CNTNAP3B: variants seen among roughly 807,000 people sequenced by gnomAD.
CNTNAP3B encodes contactin associated protein family member 3B.
Under a neutral mutation model 108.9 loss-of-function variants are expected in CNTNAP3B, and 25 were observed. The observed-to-expected ratio is 0.23, with a 90% CI of 0.17 to 0.32. CNTNAP3B has a LOEUF of 0.32. Among genes scored for constraint, CNTNAP3B ranks in the 10% least tolerant of loss-of-function variants. The pLI is 1.00. For missense variants in CNTNAP3B, 252 were observed against 1,210.4 expected (o/e 0.21, Z 11.75); for synonymous variants, 103 against 473.4 (o/e 0.22, Z 10.16).
chr9:42,108,309 G>A (rs62558878), intron 1 of CNTNAP3B, among the ~76,000 whole-genome samples: 23,346 of 131,386 alleles, frequency 0.18, 3,762 homozygotes, highest in Middle Eastern at 0.29. Context: ...ACCATCTAAA[G>A]GCAGAGATTC....
At chr9:42,085,143 GA>G (rs954074708) in intron 2 of CNTNAP3B, among the ~76,000 whole-genome samples, 55 of 149,814 alleles carry the variant, frequency 3.7e-4, no homozygotes, top group African/African-American at 1.1e-3. Context: ...TGTTATTTAA[GA>G]AAAAAATTAT....
At position 41,975,118 on chromosome 9, in the gene CNTNAP3B, G is replaced by A. The variant is rs530903582; in HGVS notation, c.1478-4873C>T. On this transcript the variant is annotated intron_variant, in intron 9 of 23. Coordinates refer to ENST00000377561, the MANE Select transcript of CNTNAP3B (RefSeq NM_001201380.3). Reference sequence around the variant, plus strand: ...AAGCGCGGCTTCCGGGAAGGCTGGGGCCTCGGGGAGCACCTGCAGGGGCTT... The same window carrying A: ...AAGCGCGGCTTCCGGGAAGGCTGGGACCTCGGGGAGCACCTGCAGGGGCTT... 2.1e-4 allele frequency: 38 copies of A among 181,054 alleles called. 4 individuals are homozygous for A. The East Asian group carries it at 5.6e-3, about 27-fold the overall frequency. 11.2% of individuals were successfully genotyped at this position (181,054 alleles called of 1,614,324 possible).
At chr9:42,063,313 T>C (rs1181124101) in intron 3 of CNTNAP3B, among the ~76,000 whole-genome samples, 3 of 130,870 alleles carry the variant, frequency 2.3e-5, no homozygotes, top group Admixed American at 7.7e-5. Context: ...TGCTGTGTAT[T>C]CTTGGTTGAC....
At position 42,095,965 on chromosome 9, in the gene CNTNAP3B, G is replaced by A. The variant is rs1434268669; in HGVS notation, c.196+8664C>T. On this transcript the variant is annotated intron_variant, in intron 2 of 23. Transcript: ENST00000377561. ...TCCTCCCATCCCAGGCTGGGACAGTGCTCTCCACAACGTTTTGGTGACCCT... is the reference window on the plus strand; with the variant it reads ...TCCTCCCATCCCAGGCTGGGACAGTACTCTCCACAACGTTTTGGTGACCCT... Among the ~76,000 whole-genome samples the A allele has an allele frequency of 1.4e-5, 2 of 138,402 alleles. 1 individual carries two copies. Among genetic ancestry groups the A allele is most frequent in the African/African-American group, 5.8e-5 (2 of 34,710 alleles). 90.8% of individuals were successfully genotyped at this position (138,402 alleles called of 152,430 possible).
At chr9:41,935,093 A>G (rs1316442801) in intron 14 of CNTNAP3B, among the ~76,000 whole-genome samples, 1 of 152,292 alleles carries the variant, frequency 6.6e-6, no homozygotes, top group Non-Finnish European at 1.5e-5. Flanking sequence ...ACATTTATAC[A>G]CATATATTGA....
At chr9:42,120,470 T>C (rs1258037519) in intron 1 of CNTNAP3B, among the ~76,000 whole-genome samples, 1 of 138,094 alleles carries the variant, frequency 7.2e-6, no homozygotes, top group Non-Finnish European at 1.5e-5. Context: ...ATCCCATTAC[T>C]GGGTATATAC....
intron 11 of CNTNAP3B, among the ~76,000 whole-genome samples, chr9:41,961,628 T>A (rs1825094577): frequency 6.6e-6 from 1 of 152,418 alleles, no homozygotes; most frequent in Admixed American, 6.5e-5. Context: ...AATGAGCATT[T>A]TAAAGAGATA....
rs181600169 is a variant in CNTNAP3B at position 42,127,616 on chromosome 9, C to G, written c.85+1394G>C. ...CCAAACGGCAGTTTCCATTACAAGA[C>G]CCAAGGATTTTAATTTAAGTAACAA... On this transcript the variant is annotated intron_variant, in intron 1 of 23. Transcript: ENST00000377561. Among the ~76,000 whole-genome samples the G allele has an allele frequency of 3.6e-5, 5 of 139,790 alleles. 1 individual carries two copies. The highest frequency in any genetic ancestry group is 1.4e-4 in the African/African-American group (5 of 35,324). The allele number at this position is 139,790 out of a possible 152,430, so 91.7% of individuals were successfully genotyped here. A position where few individuals can be genotyped will look rare whatever the true frequency, so the allele number is the denominator to read the frequency against.
At chr9:41,969,858 T>C (rs1825390571) in intron 10 of CNTNAP3B, among the ~76,000 whole-genome samples, 1 of 142,352 alleles carries the variant, frequency 7.0e-6, no homozygotes, top group African/African-American at 2.7e-5. Flanking sequence ...TCTCCTGATC[T>C]CGTGATCCGC....
intron 12 of CNTNAP3B, among the ~76,000 whole-genome samples, chr9:41,954,549 G>C (rs1297368287): frequency 9.8e-4 from 150 of 152,348 alleles, no homozygotes; most frequent in African/African-American, 3.5e-3. Flanking sequence ...TTTAAATAAC[G>C]AATGCAATTT....
chr9:41,980,636 ATGT>A (rs1287544378), intron 9 of CNTNAP3B: 5 of 146,448 alleles, frequency 3.4e-5, no homozygotes, highest in South Asian at 4.3e-4. Flanking sequence ...CCTTCATGAA[ATGT>A]TGTTTGCTTT....
chr9:42,063,955 A>C (rs1827219815), intron 3 of CNTNAP3B, among the ~76,000 whole-genome samples: 1 of 147,344 alleles, frequency 6.8e-6, no homozygotes, highest in South Asian at 2.2e-4. Context: ...CCATACTTTT[A>C]AGTTTTGTTC....
intron 10 of CNTNAP3B, among the ~76,000 whole-genome samples, chr9:41,965,734 C>T (rs1346698713): frequency 2.6e-5 from 4 of 152,132 alleles, no homozygotes; most frequent in African/African-American, 9.7e-5. Flanking sequence ...AGAAGAGGGG[C>T]TGGGAGGTTG....
intron 15 of CNTNAP3B, among the ~76,000 whole-genome samples, chr9:41,924,644 T>TGCGCGCGCGCACGC (rs1482014228): frequency 1.7e-4 from 16 of 95,488 alleles, no homozygotes; most frequent in African/African-American, 6.2e-4. Context: ...CTTTCCTTCC[T>TGCGCGCGCGCACGC]GCACACACAC....
chr9:41,921,368 C>G (rs1160137853), intron 17 of CNTNAP3B, among the ~76,000 whole-genome samples: 3 of 152,080 alleles, frequency 2.0e-5, no homozygotes, highest in Non-Finnish European at 2.9e-5. Context: ...AAGAGCTAAC[C>G]ACGCCTGAAG....
At chr9:42,024,669 C>CAAAA (rs1216353981) in intron 3 of CNTNAP3B, among the ~76,000 whole-genome samples, 125 of 84,922 alleles carry the variant, frequency 1.5e-3, no homozygotes, top group Middle Eastern at 5.7e-3. Flanking sequence ...CCAGGGTTCA[C>CAAAA]AAAAAAAAAA....
At chr9:41,945,644 A>C (rs1824510624) in intron 13 of CNTNAP3B, among the ~76,000 whole-genome samples, 1 of 152,310 alleles carries the variant, frequency 6.6e-6, no homozygotes, top group African/African-American at 2.4e-5. Flanking sequence ...GAGGAATAGC[A>C]TTAGGAGATA....
rs1299378021 is a variant in CNTNAP3B at position 42,098,228 on chromosome 9, A to G, written c.196+6401T>C. 3.7e-5 allele frequency among the ~76,000 whole-genome samples: 5 copies of G among 134,412 alleles called. 1 individual carries two copies. Among genetic ancestry groups the G allele is most frequent in the Admixed American group, 3.0e-4 (4 of 13,412 alleles). 88.2% of individuals were successfully genotyped at this position (134,412 alleles called of 152,430 possible). ...AACTTACTTCCTCAGAGAAGCAGAAACTCTTTGTCTTACTGACACTGGAAT... is the reference window on the plus strand; with the variant it reads ...AACTTACTTCCTCAGAGAAGCAGAAGCTCTTTGTCTTACTGACACTGGAAT... On this transcript the variant is annotated intron_variant, in intron 2 of 23. Coordinates refer to ENST00000377561, the MANE Select transcript of CNTNAP3B (RefSeq NM_001201380.3).
chr9:41,958,504 G>C, intron 12 of CNTNAP3B, among the ~76,000 whole-genome samples: 1 of 151,930 alleles, frequency 6.6e-6, no homozygotes, highest in Non-Finnish European at 1.5e-5. Context: ...GAGGCCTGCA[G>C]TACTATAAGT....
Sources: gnomAD v4.1 joint callset for allele counts (sites outside exome capture counted in the v4.1 genomes callset) on GRCh38, gnomAD v4.1.1 for gene constraint, MANE v1.5 for transcripts, NCBI Gene and HGNC (gene_info 2026-07-23, HGNC 2026-07-21) for gene names.